The following CCSER1 variants were observed in gnomAD, a reference collection of about 807,000 sequenced individuals.
CCSER1 encodes serine-rich coiled-coil domain-containing protein 1.
CCSER1 carries 41 observed loss-of-function variants against 82.0 expected under a neutral mutation model. That is an observed-to-expected ratio of 0.50 (90% CI 0.39 to 0.65). The LOEUF is 0.65. CCSER1 is among the 30% of genes least tolerant of loss of function. The pLI, the probability that CCSER1 is intolerant of heterozygous loss-of-function variation, is 0.00. For synonymous variants in CCSER1, 414 were observed against 383.9 expected (o/e 1.08, Z -0.92); for missense variants, 1,119 against 1,064.2 (o/e 1.05, Z -0.72).
At chr4:90,391,181 G>A (rs1159588671) in intron 3 of CCSER1, among the ~76,000 whole-genome samples, 1 of 148,246 alleles carries the variant, frequency 6.7e-6, no homozygotes, top group Non-Finnish European at 1.5e-5. Context: ...GCTGAGGCAG[G>A]AGAATCTCTT....
rs1224255808 is a variant in CCSER1 at position 90,276,239 on chromosome 4, TTTCTTTCTTTCTTTCCTTCC to T, written c.-41-32001_-41-31982del. Among the ~76,000 whole-genome samples the T allele has an allele frequency of 3.5e-4, 39 of 110,256 alleles. 1 individual carries two copies. The highest frequency in any genetic ancestry group is 4.9e-4 in the Admixed American group (5 of 10,228). 72.3% of individuals were successfully genotyped at this position (110,256 alleles called of 152,430 possible). On this transcript the variant is annotated intron_variant, in intron 1 of 10. Transcript: ENST00000509176. ...CTTTCTTTCTTTCTTTCTTTCTTTC[TTTCTTTCTTTCTTTCCTTCC>T]TTCCTTCCTTCCTTCCTTCCTTCCT... is the stretch of plus-strand genomic sequence containing the variant.
chr4:90,706,205 T>C (rs1449132366), intron 6 of CCSER1, among the ~76,000 whole-genome samples: 1 of 152,224 alleles, frequency 6.6e-6, no homozygotes, highest in African/African-American at 2.4e-5. Flanking sequence ...GTTTATGGTA[T>C]CTTGTTGTAA....
At chr4:90,606,204 A>AGCT in intron 5 of CCSER1, among the ~76,000 whole-genome samples, 1 of 151,720 alleles carries the variant, frequency 6.6e-6, no homozygotes, top group East Asian at 1.9e-4. Flanking sequence ...GGAGAGTCCT[A>AGCT]GTTGTTATTA....
At chr4:91,027,051 A>G (rs1024807803) in intron 9 of CCSER1, among the ~76,000 whole-genome samples, 1 of 152,114 alleles carries the variant, frequency 6.6e-6, no homozygotes, top group Admixed American at 6.6e-5. Context: ...TGTTATTGCT[A>G]GAAGGGTAGT....
At chr4:90,141,849 A>G (rs1025129118) in intron 1 of CCSER1, among the ~76,000 whole-genome samples, 5 of 152,252 alleles carry the variant, frequency 3.3e-5, no homozygotes, top group Admixed American at 1.3e-4. Context: ...CCTGAAAGGT[A>G]TGCTTGCCCA....
At chr4:90,668,023 T>C (rs1732126606) in intron 6 of CCSER1, among the ~76,000 whole-genome samples, 1 of 152,158 alleles carries the variant, frequency 6.6e-6, no homozygotes. Flanking sequence ...GGTGGAGCTG[T>C]GTCAAAATAG....
intron 10 of CCSER1, among the ~76,000 whole-genome samples, chr4:91,497,497 G>A (rs1251929372): frequency 6.6e-6 from 1 of 151,730 alleles, no homozygotes; most frequent in Non-Finnish European, 1.5e-5. Flanking sequence ...AATCTGTAAT[G>A]TTTAACATTT....
chr4:91,102,421 C>G (rs2148853229), intron 10 of CCSER1, among the ~76,000 whole-genome samples: 1 of 152,172 alleles, frequency 6.6e-6, no homozygotes, highest in East Asian at 1.9e-4. Context: ...TGAAATGAAG[C>G]ATATTTTTCT....
chr4:90,924,442 A>G (rs1248484637), intron 9 of CCSER1, among the ~76,000 whole-genome samples: 2 of 152,094 alleles, frequency 1.3e-5, no homozygotes, highest in Admixed American at 6.6e-5. Context: ...GTGTTTATAT[A>G]CCTTATTTTC....
intron 1 of CCSER1, among the ~76,000 whole-genome samples, chr4:90,299,875 G>T (rs531030556): frequency 6.6e-6 from 1 of 152,106 alleles, no homozygotes; most frequent in South Asian, 2.1e-4. Flanking sequence ...ACTTATTTTA[G>T]TAAAAAATGA....
chr4:91,153,478 TTTG>T (rs1203812146), intron 10 of CCSER1, among the ~76,000 whole-genome samples: 1 of 151,942 alleles, frequency 6.6e-6, no homozygotes, highest in Non-Finnish European at 1.5e-5. Context: ...CTTAGAGAAG[TTTG>T]TTATTACCGA....
At chr4:90,485,537 A>T (rs1766898367) in intron 5 of CCSER1, among the ~76,000 whole-genome samples, 1 of 140,382 alleles carries the variant, frequency 7.1e-6, no homozygotes, top group Admixed American at 7.0e-5. Flanking sequence ...CCCCAATTTA[A>T]CTTTTATTTA....
At chr4:90,691,332 T>A (rs570776866) in intron 6 of CCSER1, among the ~76,000 whole-genome samples, 1 of 152,094 alleles carries the variant, frequency 6.6e-6, no homozygotes. Flanking sequence ...ATTTTATTCC[T>A]AAAGCTAACA....
intron 1 of CCSER1, among the ~76,000 whole-genome samples, chr4:90,214,470 A>C (rs1447375733): frequency 1.3e-5 from 2 of 152,206 alleles, no homozygotes; most frequent in Admixed American, 6.5e-5. Context: ...ATGATTCTAA[A>C]ATGTGATCAC....
chr4:91,225,197 TAA>T (rs1335331834), intron 10 of CCSER1, among the ~76,000 whole-genome samples: 1 of 142,556 alleles, frequency 7.0e-6, no homozygotes, highest in Non-Finnish European at 1.5e-5. Flanking sequence ...TAATTATATA[TAA>T]TATATATAAT....
chr4:90,891,077 A>T (rs1220760965), intron 8 of CCSER1, among the ~76,000 whole-genome samples: 2 of 152,108 alleles, frequency 1.3e-5, no homozygotes, highest in East Asian at 3.9e-4. Context: ...TGTAAATTAG[A>T]TAATTTCCAA....
At chr4:90,856,436 G>A (rs1275312041) in intron 8 of CCSER1, among the ~76,000 whole-genome samples, 1 of 152,052 alleles carries the variant, frequency 6.6e-6, no homozygotes, top group African/African-American at 2.4e-5. Context: ...TTCACTTAAA[G>A]AATATATAAA....
intron 3 of CCSER1, among the ~76,000 whole-genome samples, chr4:90,317,282 G>A (rs1457055967): frequency 6.6e-6 from 1 of 152,160 alleles, no homozygotes; most frequent in African/African-American, 2.4e-5. Context: ...AAGGAAAAAT[G>A]CCTAAGTGGA....
intron 1 of CCSER1, among the ~76,000 whole-genome samples, chr4:90,154,395 G>GT (rs1727600079): frequency 1.3e-5 from 2 of 152,294 alleles, no homozygotes; most frequent in South Asian, 4.1e-4. Flanking sequence ...CTTTTAAGTA[G>GT]TTTTTTTGAA....
Sources: gnomAD v4.1 joint callset for allele counts (sites outside exome capture counted in the v4.1 genomes callset) on GRCh38, gnomAD v4.1.1 for gene constraint, MANE v1.5 for transcripts, NCBI Gene and HGNC (gene_info 2026-07-23, HGNC 2026-07-21) for gene names.